RIPK4: variants seen among roughly 807,000 people sequenced by gnomAD.
RIPK4 encodes the protein receptor-interacting serine/threonine-protein kinase 4.
RIPK4 carries 17 observed loss-of-function variants against 42.9 expected under a neutral mutation model. That is an observed-to-expected ratio of 0.40 (90% CI 0.27 to 0.59). The LOEUF (loss-of-function observed/expected upper bound fraction) is 0.59. Ranked by LOEUF, RIPK4 falls within the 20% of genes least tolerant of loss-of-function variation. RIPK4 has a pLI of 0.47. For missense variants in RIPK4, 897 were observed against 1,104.4 expected, an observed-to-expected ratio of 0.81 and a Z score of 2.66; for synonymous variants, 498 against 499.1, an observed-to-expected ratio of 1.00 and a Z score of 0.03.
chr21:41,757,246 C>G (rs1203918383), intron 1 of RIPK4, among the ~76,000 whole-genome samples: 1 of 152,280 alleles, frequency 6.6e-6, no homozygotes, highest in South Asian at 2.1e-4. Context: ...CTAGGCCGGG[C>G]ACGGTGGCTC....
At chr21:41,765,260 C>A (rs1462628688) in intron 1 of RIPK4, among the ~76,000 whole-genome samples, 2 of 152,210 alleles carry the variant, frequency 1.3e-5, no homozygotes, top group Non-Finnish European at 2.9e-5. Context: ...CTTTCAGAAC[C>A]TAACCACTGG....
rs1214316129 is a variant in RIPK4 at position 41,739,546 on chromosome 21, A to G, written c.*1292T>C. On this transcript the variant is annotated 3_prime_UTR_variant, in exon 8 of 8. Coordinates refer to ENST00000332512, the MANE Select transcript of RIPK4 (RefSeq NM_020639.3). The stretch of plus-strand genomic sequence containing the variant: ...ATCCTGCCCACAGATTCACATTAAC[A>G]TACATGGTACATTAATATCAATCTC... 3 of 152,240 alleles carry G rather than the reference A, an allele frequency of 2.0e-5. No individual in the cohort carries two copies. The highest frequency in any genetic ancestry group is 6.5e-5 in the Admixed American group (1 of 15,284). The allele number at this position is 152,240 out of a possible 1,614,324, so 9.4% of individuals were successfully genotyped here.
chr21:41,746,540 A>C (rs1601677163), intron 5 of RIPK4, 73 bp downstream of exon 5: 1 of 1,557,088 alleles, frequency 6.4e-7, no homozygotes. Flanking sequence ...CTGGTCCCTC[A>C]CCCTGTCCTG....
At position 41,766,928 on chromosome 21, in the gene RIPK4, C is replaced by T; in HGVS notation, c.114G>A (p.Lys38=). ...VGSGGFGQVY[K]VRHVHWKTWL... Reference sequence around the variant, plus strand: ...AGGTCTTCCAGTGGACATGGCGCACCTTGTACACCTGCCCGAAGCCGCCCG... The same window carrying T: ...AGGTCTTCCAGTGGACATGGCGCACTTTGTACACCTGCCCGAAGCCGCCCG... Residue 38 remains lysine, a synonymous_variant, in exon 1 of 8, where the codon AAG becomes AAA. Transcript: ENST00000332512. 2 of 1,610,426 alleles carry T rather than the reference C, an allele frequency of 1.2e-6. No homozygotes were observed. Among genetic ancestry groups the T allele is most frequent in the Non-Finnish European group, 8.5e-7 (1 of 1,178,732 alleles).
intron 2 of RIPK4, 41 bp downstream of exon 2, chr21:41,756,484 C>A: frequency 6.3e-7 from 1 of 1,588,382 alleles, no homozygotes; most frequent in Non-Finnish European, 8.6e-7. Flanking sequence ...AGACACAGGC[C>A]CTCCCTGCCC....
At position 41,755,770 on chromosome 21, in the gene RIPK4, A is replaced by G. The variant is rs547480630; in HGVS notation, c.474+755T>C. The stretch of plus-strand genomic sequence containing the variant: ...GGAAAAACTACAACGCGCCAGGTGT[A>G]ACCACCACATGTCAACGACAGTACA... On this transcript the variant is annotated intron_variant, in intron 2 of 7. Transcript: ENST00000332512. This position sits in a 1 kb window ranked among gnomAD's most constrained non-coding sequence, Gnocchi z 4.2. Among the ~76,000 whole-genome samples the G allele has an allele frequency of 6.6e-6, 1 of 152,338 alleles. No homozygotes were observed. The highest frequency in any genetic ancestry group is 2.1e-4 in the South Asian group (1 of 4,830).
intron 1 of RIPK4, among the ~76,000 whole-genome samples, chr21:41,764,561 T>C (rs1303286186): frequency 1.3e-5 from 2 of 151,696 alleles, no homozygotes; most frequent in Non-Finnish European, 2.9e-5. Context: ...TCAGGGAACA[T>C]CTTGCAAATA....
At chr21:41,753,759 G>T (rs1372077236) in intron 2 of RIPK4, among the ~76,000 whole-genome samples, 1 of 152,192 alleles carries the variant, frequency 6.6e-6, no homozygotes, top group Non-Finnish European at 1.5e-5. Flanking sequence ...AAAGCAGCCT[G>T]CCGGGGTTTT....
At chr21:41,760,568 C>G (rs2061217632) in intron 1 of RIPK4, among the ~76,000 whole-genome samples, 1 of 152,294 alleles carries the variant, frequency 6.6e-6, no homozygotes, top group South Asian at 2.1e-4. Flanking sequence ...CGCTGTGGAT[C>G]CCCTTGGGCT....
intron 1 of RIPK4, among the ~76,000 whole-genome samples, chr21:41,763,205 T>C (rs183292521): frequency 1.1e-4 from 17 of 152,322 alleles, no homozygotes; most frequent in Admixed American, 7.8e-4. Context: ...TTTTTAAAGA[T>C]ACGGTGAGTA....
chr21:41,764,556 G>A (rs562457460), intron 1 of RIPK4, among the ~76,000 whole-genome samples: 16 of 152,216 alleles, frequency 1.1e-4, no homozygotes, highest in Non-Finnish European at 1.9e-4. Context: ...CCAATTCAGG[G>A]AACATCTTGC....
chr21:41,753,192 C>T (rs2061193544), intron 2 of RIPK4, among the ~76,000 whole-genome samples: 1 of 151,410 alleles, frequency 6.6e-6, no homozygotes, highest in African/African-American at 2.4e-5. Flanking sequence ...TGCCTGTTTC[C>T]TTTTTTCATA....
intron 1 of RIPK4, among the ~76,000 whole-genome samples, chr21:41,759,829 G>A (rs988228534): frequency 2.6e-5 from 4 of 152,218 alleles, no homozygotes; most frequent in Non-Finnish European, 2.9e-5. Flanking sequence ...CTGCAGGAAA[G>A]GCCAGCAGGA....
chr21:41,745,636 G>T, intron 6 of RIPK4, 123 bp downstream of exon 6: 1 of 707,466 alleles, frequency 1.4e-6, no homozygotes, highest in Non-Finnish European at 2.5e-6. Context: ...GTTGGGTGCG[G>T]GATGGGCTCA....
Position 41,745,568 on chromosome 21 carries a change from C to A in RIPK4, c.936+191G>T, listed in dbSNP as rs550013772. On this transcript the variant is annotated intron_variant, in intron 6 of 7. Transcript: ENST00000332512. Reference sequence around the variant, plus strand: ...ACGCAGAATCAGACAGGAGGTGGGGCGGGGATGCAGTCGGGCAGGTGGACC... The same window carrying A: ...ACGCAGAATCAGACAGGAGGTGGGGAGGGGATGCAGTCGGGCAGGTGGACC... 6.0e-4 allele frequency among the ~76,000 whole-genome samples: 92 copies of A among 152,230 alleles called. 1 individual carries two copies. Among genetic ancestry groups the A allele is most frequent in the South Asian group, 3.7e-3 (18 of 4,808 alleles).
intron 2 of RIPK4, among the ~76,000 whole-genome samples, chr21:41,754,527 A>G (rs1223373470): frequency 6.6e-6 from 1 of 152,158 alleles, no homozygotes. Context: ...TCCCTGAGAA[A>G]GCAGTTCCAG....
chr21:41,755,460 C>T lies in RIPK4; in HGVS notation c.474+1065G>A, dbSNP rs1468120440. Among the ~76,000 whole-genome samples the T allele has an allele frequency of 6.6e-6, 1 of 152,194 alleles. No individual in the cohort carries two copies. The highest frequency in any genetic ancestry group is 1.5e-5 in the Non-Finnish European group (1 of 68,024). On this transcript the variant is annotated intron_variant, in intron 2 of 7. Transcript: ENST00000332512. This position sits in a 1 kb window ranked among gnomAD's most constrained non-coding sequence, Gnocchi z 4.2. ...GCGGCCGTGCGCATGCCATACGAGC[C>T]ACCGCTCCCGTCCCACCCAAGAGCT... is the stretch of plus-strand genomic sequence containing the variant.
At position 41,743,981 on chromosome 21, in the gene RIPK4, C is replaced by G. The variant is rs772586294; in HGVS notation, c.1096G>C (p.Gly366Arg). 6.2e-7 allele frequency: 1 copy of G among 1,613,346 alleles called. No individual in the cohort carries two copies. The highest frequency in any genetic ancestry group is 1.3e-5 in the African/African-American group (1 of 74,888). The change falls in exon 7 of 8, where the codon GGC (glycine) becomes CGC (arginine). Residue 366 changes from glycine (G) to arginine (R), a missense_variant. Gly to Arg is a moderately radical substitution (Grantham distance 125, BLOSUM62 -2). Coordinates refer to ENST00000332512, the MANE Select transcript of RIPK4 (RefSeq NM_020639.3). The part of the protein sequence containing the change: ...SSSESKLPSS[G>R]SGKRLSGVSS... The stretch of plus-strand genomic sequence containing the variant: ...ACCCCCGAGAGCCTCTTCCCACTGC[C>G]GGACGATGGCAGCTTGGACTCAGAG...
intron 1 of RIPK4, among the ~76,000 whole-genome samples, chr21:41,763,541 C>T (rs1051115088): frequency 2.6e-5 from 4 of 152,174 alleles, no homozygotes; most frequent in African/African-American, 7.2e-5. Flanking sequence ...ACGGTGAGAC[C>T]GCTCAGGTAA....
Sources: gnomAD v4.1 joint callset for allele counts (sites outside exome capture counted in the v4.1 genomes callset) on GRCh38, gnomAD v4.1.1 for gene constraint, Gnocchi (gnomAD v3.1) non-coding constraint, MANE v1.5 for transcripts, NCBI Gene and HGNC (gene_info 2026-07-23, HGNC 2026-07-21) for gene names.